The following MGAT4C variants were observed in gnomAD, a reference collection of about 807,000 sequenced individuals.
MGAT4C encodes MGAT4 family member C.
Under a neutral mutation model 40.1 loss-of-function variants are expected in MGAT4C, and 19 were observed. The observed-to-expected ratio is 0.47, with a 90% confidence interval of 0.33 to 0.70. MGAT4C has a LOEUF of 0.70. MGAT4C is among the 30% of genes least tolerant of loss of function. The pLI, the probability that MGAT4C is intolerant of heterozygous loss-of-function variation, is 0.02. For missense variants in MGAT4C, 491 were observed against 563.2 expected, an observed-to-expected ratio of 0.87 and a Z score of 1.30; for synonymous variants, 181 against 187.1, an observed-to-expected ratio of 0.97 and a Z score of 0.27.
intron 1 of MGAT4C, among the ~76,000 whole-genome samples, chr12:86,732,771 G>T (rs894931667): frequency 2.7e-5 from 4 of 150,202 alleles, no homozygotes; most frequent in African/African-American, 9.8e-5. Flanking sequence ...GTGGCCCAGG[G>T]TTTGGAGACC....
At chr12:86,053,961 A>G (rs879434925) in intron 1 of MGAT4C, among the ~76,000 whole-genome samples, 1 of 151,988 alleles carries the variant, frequency 6.6e-6, no homozygotes, top group Non-Finnish European at 1.5e-5. Context: ...GAGGATATGG[A>G]GAAAAAGGAA....
intron 2 of MGAT4C, among the ~76,000 whole-genome samples, chr12:86,608,794 T>C (rs1962140575): frequency 6.6e-6 from 1 of 152,090 alleles, no homozygotes; most frequent in South Asian, 2.1e-4. Flanking sequence ...GCATAAGATG[T>C]CTATGTATGA....
rs183858107 is a variant in MGAT4C at position 86,804,469 on chromosome 12, A to G, written c.-262+34197T>C. 7.1e-3 allele frequency among the ~76,000 whole-genome samples: 1,068 copies of G among 151,036 alleles called. 11 individuals are homozygous for G. Among genetic ancestry groups the G allele is most frequent in the African/African-American group, 0.025 (1,015 of 41,336 alleles). On this transcript the variant is annotated intron_variant, in intron 1 of 7. Coordinates refer to the MGAT4C transcript ENST00000548651. ...ATAAAGAAAGAAAGAAGAAAAAAAT[A>G]TATATTTTTCTTTTATGAATTAGCT... is the stretch of plus-strand genomic sequence containing the variant.
chr12:86,177,174 T>G (rs1031911356), intron 1 of MGAT4C, among the ~76,000 whole-genome samples: 4 of 152,004 alleles, frequency 2.6e-5, no homozygotes, highest in Non-Finnish European at 5.9e-5. Context: ...TTACAGCTAC[T>G]GGGAAATTCT....
At chr12:86,679,560 T>A (rs2136577120) in intron 2 of MGAT4C, among the ~76,000 whole-genome samples, 1 of 152,154 alleles carries the variant, frequency 6.6e-6, no homozygotes, top group East Asian at 1.9e-4. Flanking sequence ...TATGTTAAAA[T>A]CCTGTCCCCC....
At chr12:86,221,289 T>C (rs1299854857) in intron 1 of MGAT4C, among the ~76,000 whole-genome samples, 1 of 152,160 alleles carries the variant, frequency 6.6e-6, no homozygotes, top group Non-Finnish European at 1.5e-5. Flanking sequence ...GTGTGCCATA[T>C]CCTCTTAAGA....
intron 2 of MGAT4C, among the ~76,000 whole-genome samples, chr12:86,713,638 C>G (rs894009627): frequency 7.2e-5 from 11 of 151,988 alleles, no homozygotes; most frequent in African/African-American, 2.7e-4. Context: ...ATTAGCTAAA[C>G]TATTTTCTGA....
intron 1 of MGAT4C, among the ~76,000 whole-genome samples, chr12:86,735,882 C>T (rs1950978022): frequency 6.6e-6 from 1 of 151,746 alleles, no homozygotes; most frequent in Non-Finnish European, 1.5e-5. Context: ...CTAACTTAAA[C>T]CTGGCTATTT....
chr12:86,010,412 G>A (rs1406686279), intron 2 of MGAT4C, among the ~76,000 whole-genome samples: 1 of 152,206 alleles, frequency 6.6e-6, no homozygotes, highest in African/African-American at 2.4e-5. Flanking sequence ...TAGACATGGT[G>A]GCTCATGCCT....
chr12:86,385,515 C>A (rs1191416135), intron 3 of MGAT4C, among the ~76,000 whole-genome samples: 1 of 152,166 alleles, frequency 6.6e-6, no homozygotes, highest in East Asian at 1.9e-4. Flanking sequence ...TAATGTCTTT[C>A]AATGCCTCCT....
At chr12:86,389,935 A>G (rs535136209) in intron 3 of MGAT4C, among the ~76,000 whole-genome samples, 1 of 152,282 alleles carries the variant, frequency 6.6e-6, no homozygotes, top group South Asian at 2.1e-4. Context: ...TGTCTATATG[A>G]TAGAACAGAA....
At chr12:86,151,428 C>T (rs1222663248) in intron 1 of MGAT4C, among the ~76,000 whole-genome samples, 1 of 151,998 alleles carries the variant, frequency 6.6e-6, no homozygotes, top group East Asian at 1.9e-4. Context: ...CTGGCTAACA[C>T]GGTGAAACCC....
At chr12:86,424,296 C>T (rs1271121625) in intron 3 of MGAT4C, among the ~76,000 whole-genome samples, 1 of 152,154 alleles carries the variant, frequency 6.6e-6, no homozygotes, top group African/African-American at 2.4e-5. Flanking sequence ...TAGCCTTTCT[C>T]TTTAGATTTT....
At chr12:86,384,238 A>G (rs1303850055) in intron 3 of MGAT4C, among the ~76,000 whole-genome samples, 1 of 152,216 alleles carries the variant, frequency 6.6e-6, no homozygotes, top group Non-Finnish European at 1.5e-5. Context: ...CTAATACAGT[A>G]CTCACATGCA....
rs566059546 is a variant in MGAT4C at position 86,172,316 on chromosome 12, T to C, written c.-57+83923A>G. 2.0e-5 allele frequency among the ~76,000 whole-genome samples: 3 copies of C among 152,278 alleles called. No individual in the cohort carries two copies. The East Asian group carries it at 5.8e-4, about 29-fold the overall frequency. On this transcript the variant is annotated intron_variant, in intron 1 of 4. Coordinates refer to ENST00000611864, the MANE Select transcript of MGAT4C (RefSeq NM_001351288.2). ...AGCTAAATTTCTTCATCTACATAAT[T>C]GGATAATAGTCAAACTAATATACTG...
At chr12:86,546,920 A>G (rs1959196441) in intron 2 of MGAT4C, among the ~76,000 whole-genome samples, 2 of 152,010 alleles carry the variant, frequency 1.3e-5, no homozygotes, top group African/African-American at 4.8e-5. Flanking sequence ...GAGTGGGTTG[A>G]GCCCATGGTG....
chr12:86,451,279 C>T (rs1957421783), intron 2 of MGAT4C, among the ~76,000 whole-genome samples: 1 of 152,108 alleles, frequency 6.6e-6, no homozygotes, highest in Non-Finnish European at 1.5e-5. Flanking sequence ...TATACAAGCT[C>T]CTGCTTCATC....
intron 1 of MGAT4C, among the ~76,000 whole-genome samples, chr12:86,089,248 T>C (rs1872454375): frequency 6.6e-6 from 1 of 151,950 alleles, no homozygotes; most frequent in South Asian, 2.1e-4. Context: ...TTATAACTTG[T>C]TTAAGTAATT....
At chr12:86,344,925 T>A (rs1403495845) in intron 3 of MGAT4C, among the ~76,000 whole-genome samples, 1 of 152,184 alleles carries the variant, frequency 6.6e-6, no homozygotes, top group Non-Finnish European at 1.5e-5. Flanking sequence ...TGAACAACTA[T>A]GTACAGGTAA....
Sources: allele counts gnomAD v4.1 joint callset (sites outside exome capture counted in the v4.1 genomes callset), GRCh38; gene constraint gnomAD v4.1.1; transcripts MANE v1.5; gene names NCBI Gene and HGNC (gene_info 2026-07-23, HGNC 2026-07-21).